Variants in PCMTD2 observed in about 807,000 individuals in gnomAD.
The protein encoded by PCMTD2 is protein-L-isoaspartate (D-aspartate) O-methyltransferase domain containing 2, also known as protein-L-isoaspartate O-methyltransferase domain-containing protein 2.
A neutral mutation model predicts 33.4 loss-of-function variants in PCMTD2; 16 were observed. That is an observed-to-expected ratio of 0.48 (90% CI 0.32 to 0.73). PCMTD2 has a LOEUF of 0.73. Among genes scored for constraint, PCMTD2 ranks in the 30% least tolerant of loss-of-function variants. The pLI, the probability that PCMTD2 is intolerant of heterozygous loss-of-function variation, is 0.03. For missense variants in PCMTD2, 374 were observed against 449.9 expected, an observed-to-expected ratio of 0.83 and a Z score of 1.53; for synonymous variants, 161 against 160.8, an observed-to-expected ratio of 1.00 and a Z score of -0.01.
At chr20:64,265,947 TGGGAAAAATA>T (rs1278305648) in intron 4 of PCMTD2, among the ~76,000 whole-genome samples, 1 of 152,208 alleles carries the variant, frequency 6.6e-6, no homozygotes, top group Non-Finnish European at 1.5e-5. Context: ...TGTATGTCAC[TGGGAAAAATA>T]GTTTATAGTA....
rs1361195254 is a variant in PCMTD2 at position 64,273,516 on chromosome 20, A to G, written c.1002A>G (p.Pro334=). 1.9e-6 allele frequency: 3 copies of G among 1,596,166 alleles called. No individual in the cohort carries two copies. In the East Asian group the frequency reaches 6.7e-5, roughly 36 times the overall value. ...KTPPETKPDP[P]VNFLRQKVLS... is the part of the protein sequence containing the mutation. Reference sequence around the variant, plus strand: ...CGCCGGAAACAAAGCCAGACCCCCCAGTGAACTTCCTACGCCAGAAGGTCC... The same window carrying G: ...CGCCGGAAACAAAGCCAGACCCCCCGGTGAACTTCCTACGCCAGAAGGTCC... Residue 334 remains proline (P), a synonymous_variant, in exon 6 of 6, where the codon CCA becomes CCG. Transcript: ENST00000308824.
intron 1 of PCMTD2, chr20:64,256,872 T>G (rs1271362221): frequency 2.0e-5 from 3 of 152,250 alleles, no homozygotes; most frequent in African/African-American, 7.2e-5. Flanking sequence ...CTGGCTTTTG[T>G]TAGGCCCATT....
intron 4 of PCMTD2, among the ~76,000 whole-genome samples, chr20:64,266,553 G>C (rs1045979275): frequency 1.3e-5 from 2 of 152,120 alleles, no homozygotes; most frequent in African/African-American, 4.8e-5. Flanking sequence ...CACCGTGCCC[G>C]GCCTAATTTT....
intron 5 of PCMTD2, 129 bp from the exon 6 acceptor site, chr20:64,273,092 C>A: frequency 1.4e-6 from 1 of 713,952 alleles, no homozygotes; most frequent in Non-Finnish European, 2.3e-6. Flanking sequence ...TTAGCATGCT[C>A]TCATATTCTT....
Position 64,273,272 on chromosome 20 carries a change from G to A in PCMTD2, c.758G>A (p.Gly253Asp), listed in dbSNP as rs1177560779. ...LQDLARIAIR[G>D]TIKKIIHQET... ...GACTTGGCTCGCATCGCCATCCGGG[G>A]CACCATTAAAAAGATTATTCATCAG... The change falls in exon 6 of 6, where the codon GGC (glycine) becomes GAC (aspartate). Residue 253 changes from glycine (G) to aspartate (D), a missense_variant. Transcript: ENST00000308824. The A allele has an allele frequency of 1.9e-6, 3 of 1,613,876 alleles. No individual in the cohort carries two copies. Among genetic ancestry groups the A allele is most frequent in the African/African-American group, 2.7e-5 (2 of 74,914 alleles).
chr20:64,258,863 C>T (rs1006434181), intron 1 of PCMTD2: 1 of 152,122 alleles, frequency 6.6e-6, no homozygotes, highest in Non-Finnish European at 1.5e-5. Flanking sequence ...AAAGCAGTTA[C>T]TTTGAAAAAG....
chr20:64,256,106 G>A (rs1601735958), intron 1 of PCMTD2, among the ~76,000 whole-genome samples: 2 of 152,164 alleles, frequency 1.3e-5, no homozygotes, highest in Non-Finnish European at 2.9e-5. Context: ...CTCTCCCGGT[G>A]CCCGTTGCTC....
At chr20:64,268,139 A>C in intron 5 of PCMTD2, 129 bp downstream of exon 5, 1 of 619,128 alleles carries the variant, frequency 1.6e-6, no homozygotes, top group Non-Finnish European at 2.8e-6. Context: ...GAAACTGTAA[A>C]ATTCTACAAG....
At chr20:64,270,202 T>G (rs546268031) in intron 5 of PCMTD2, among the ~76,000 whole-genome samples, 3 of 126,980 alleles carry the variant, frequency 2.4e-5, no homozygotes, top group African/African-American at 9.2e-5. Flanking sequence ...GGGTCGTGAG[T>G]GCGGGCGTGC....
intron 5 of PCMTD2, among the ~76,000 whole-genome samples, chr20:64,270,397 G>T (rs867104189): frequency 6.6e-6 from 1 of 150,844 alleles, no homozygotes; most frequent in African/African-American, 2.4e-5. Flanking sequence ...GTGAATGCGG[G>T]CCTGCACGGT....
chr20:64,259,240 G>GT (rs756062521), intron 1 of PCMTD2, among the ~76,000 whole-genome samples: 6 of 152,120 alleles, frequency 3.9e-5, no homozygotes, highest in Non-Finnish European at 7.4e-5. Flanking sequence ...TTTTCTTGCT[G>GT]TTTTTGTCTA....
Position 64,260,047 on chromosome 20 carries a change from C to A in PCMTD2, c.82C>A (p.Leu28Met). Residue 28 changes from leucine (L) to methionine (M), a missense_variant, in exon 2 of 6, where the codon CTG becomes ATG. Coordinates refer to ENST00000308824, the MANE Select transcript of PCMTD2 (RefSeq NM_018257.3). ...LKEAQYIRTE[L>M]VEQAFRAIDR... ...AGAAGCACAGTATATCCGGACTGAG[C>A]TGGTAGAGCAGGCTTTCAGAGCTAT... 6.2e-7 allele frequency: 1 copy of A among 1,610,886 alleles called. No homozygotes were observed. Among genetic ancestry groups the A allele is most frequent in the Non-Finnish European group, 8.5e-7 (1 of 1,177,082 alleles).
chr20:64,261,297 A>G (rs1481283515), intron 2 of PCMTD2, among the ~76,000 whole-genome samples: 1 of 152,170 alleles, frequency 6.6e-6, no homozygotes, highest in South Asian at 2.1e-4. Flanking sequence ...TGCTGAGGCA[A>G]AGCTGGCTGA....
At chr20:64,273,030 T>C (rs1444338866) in intron 5 of PCMTD2, among the ~76,000 whole-genome samples, 191 bp from the exon 6 acceptor site, 1 of 152,236 alleles carries the variant, frequency 6.6e-6, no homozygotes, top group African/African-American at 2.4e-5. Flanking sequence ...TTTGGAAATA[T>C]CTTTTGAAAA....
Position 64,260,101 on chromosome 20 carries a change from T to C in PCMTD2, c.136T>C (p.Phe46Leu), listed in dbSNP as rs1985339871. Residue 46 changes from phenylalanine to leucine, a missense_variant, in exon 2 of 6, where the codon TTT becomes CTT. By Grantham distance (22) the Phe-to-Leu change is conservative (BLOSUM62 0). Transcript: ENST00000308824. Reference protein sequence around the residue: ...IDRADYYLEEFKENAYKDLAW... With the variant: ...IDRADYYLEELKENAYKDLAW... ...TCGTGCAGACTATTATCTTGAAGAA[T>C]TTAAAGAAAATGCTTATAAAGACTT... 1 of 1,613,376 alleles carries C rather than the reference T, an allele frequency of 6.2e-7. No individual in the cohort carries two copies. The highest frequency in any genetic ancestry group is 8.5e-7 in the Non-Finnish European group (1 of 1,179,458).
intron 1 of PCMTD2, among the ~76,000 whole-genome samples, chr20:64,257,230 C>G (rs149182959): frequency 1.5e-4 from 23 of 152,304 alleles, no homozygotes; most frequent in African/African-American, 5.1e-4. Context: ...ACTACCATAG[C>G]TTCATGCTTG....
intron 5 of PCMTD2, among the ~76,000 whole-genome samples, chr20:64,272,438 GAAAAATGT>G (rs1282691280): frequency 6.6e-6 from 1 of 152,192 alleles, no homozygotes; most frequent in Non-Finnish European, 1.5e-5. Context: ...TGTTTTTCCT[GAAAAATGT>G]TTGGATTTGC....
intron 4 of PCMTD2, 119 bp downstream of exon 4, chr20:64,265,548 G>A (rs1323225265): frequency 1.2e-6 from 1 of 824,044 alleles, no homozygotes. Context: ...GGAAACAGAG[G>A]CAGGGACAGG....
chr20:64,257,132 C>T (rs1161151079), intron 1 of PCMTD2: 1 of 152,236 alleles, frequency 6.6e-6, no homozygotes. Context: ...CACTCATCTT[C>T]CACAATGAAT....
Sources: allele counts gnomAD v4.1 joint callset (sites outside exome capture counted in the v4.1 genomes callset), GRCh38; gene constraint gnomAD v4.1.1; transcripts MANE v1.5; gene names NCBI Gene and HGNC (gene_info 2026-07-23, HGNC 2026-07-21).